Variants in PDZRN4 observed in about 807,000 individuals in gnomAD.
PDZRN4 encodes the protein PDZ domain-containing RING finger protein 4.
Under a neutral mutation model 99.0 loss-of-function variants are expected in PDZRN4, and 70 were observed. That is an observed-to-expected ratio of 0.71 (90% confidence interval 0.58 to 0.86). PDZRN4 has a LOEUF of 0.86. Ranked by LOEUF, PDZRN4 falls within the 40% of genes least tolerant of loss-of-function variation. The pLI, the probability that PDZRN4 is intolerant of heterozygous loss-of-function variation, is 0.00. For missense variants in PDZRN4, 1,474 were observed against 1,331.2 expected, an observed-to-expected ratio of 1.11 and a Z score of -1.67; for synonymous variants, 551 against 501.6, an observed-to-expected ratio of 1.10 and a Z score of -1.32.
At chr12:41,282,794 G>T (rs912742625) in intron 3 of PDZRN4, among the ~76,000 whole-genome samples, 1 of 152,084 alleles carries the variant, frequency 6.6e-6, no homozygotes, top group African/African-American at 2.4e-5. Context: ...ATGAAATGAA[G>T]GTGGGAAATA....
intron 3 of PDZRN4, among the ~76,000 whole-genome samples, chr12:41,312,431 A>C (rs1951613301): frequency 6.6e-6 from 1 of 152,086 alleles, no homozygotes; most frequent in Non-Finnish European, 1.5e-5. Flanking sequence ...CTATCTGTAC[A>C]TACTCTGCTC....
chr12:41,316,007 A>G (rs185768287), intron 3 of PDZRN4, among the ~76,000 whole-genome samples: 4 of 152,268 alleles, frequency 2.6e-5, no homozygotes, highest in Non-Finnish European at 5.9e-5. Flanking sequence ...GAAGTGAGGT[A>G]GGGTGAAGTG....
intron 3 of PDZRN4, among the ~76,000 whole-genome samples, chr12:41,309,135 CA>C (rs1450092329): frequency 6.6e-6 from 1 of 152,126 alleles, no homozygotes; most frequent in Non-Finnish European, 1.5e-5. Context: ...CATATACTTT[CA>C]GTAGGGAAGG....
At chr12:41,262,669 C>G (rs773228741) in intron 3 of PDZRN4, among the ~76,000 whole-genome samples, 1 of 151,962 alleles carries the variant, frequency 6.6e-6, no homozygotes, top group Non-Finnish European at 1.5e-5. Flanking sequence ...TAATAAACAC[C>G]ATTAAGTAAA....
chr12:41,462,760 A>C (rs1952884251), intron 3 of PDZRN4, among the ~76,000 whole-genome samples: 3 of 150,236 alleles, frequency 2.0e-5, no homozygotes, highest in Admixed American at 6.7e-5. Context: ...TGATGAACAC[A>C]ATTATGTATC....
At chr12:41,267,008 A>T (rs1416522646) in intron 3 of PDZRN4, among the ~76,000 whole-genome samples, 2 of 152,148 alleles carry the variant, frequency 1.3e-5, no homozygotes, top group Non-Finnish European at 2.9e-5. Flanking sequence ...CCACCATCTC[A>T]GTGCATCAAA....
chr12:41,342,147 T>C (rs925086572), intron 3 of PDZRN4, among the ~76,000 whole-genome samples: 3 of 151,820 alleles, frequency 2.0e-5, no homozygotes, highest in Admixed American at 6.6e-5. Context: ...GATATTCACA[T>C]CCAGAAGAAT....
At chr12:41,225,000 A>G (rs1404585323) in intron 3 of PDZRN4, among the ~76,000 whole-genome samples, 1 of 152,198 alleles carries the variant, frequency 6.6e-6, no homozygotes, top group Admixed American at 6.6e-5. Context: ...AAATAAAAAT[A>G]GAATACTTAA....
At chr12:41,530,302 A>G (rs941794865) in intron 5 of PDZRN4, among the ~76,000 whole-genome samples, 2 of 152,230 alleles carry the variant, frequency 1.3e-5, no homozygotes, top group Non-Finnish European at 2.9e-5. Flanking sequence ...TAATTGTGCC[A>G]CATAAGTTTG....
rs1952062890 is a variant in PDZRN4 at position 41,374,122 on chromosome 12, T to C, written c.844-132334T>C. On this transcript the variant is annotated intron_variant, in intron 3 of 9. Coordinates refer to ENST00000402685, the MANE Select transcript of PDZRN4 (RefSeq NM_001164595.2). ...CTTTGGCTACCTCCTTGAGGACAGGTCTTTGCAGTGTTTTAGGAAGAGTGA... is the reference window on the plus strand; with the variant it reads ...CTTTGGCTACCTCCTTGAGGACAGGCCTTTGCAGTGTTTTAGGAAGAGTGA... 2.0e-5 allele frequency among the ~76,000 whole-genome samples: 3 copies of C among 151,226 alleles called. No homozygotes were observed. In the South Asian group the frequency reaches 6.3e-4, roughly 32 times the overall value.
At chr12:41,558,777 G>A (rs1939213716) in intron 7 of PDZRN4, among the ~76,000 whole-genome samples, 1 of 152,066 alleles carries the variant, frequency 6.6e-6, no homozygotes, top group African/African-American at 2.4e-5. Flanking sequence ...AAAAAAACCT[G>A]GAATACAATT....
At chr12:41,190,279 C>A (rs1173749286) in intron 1 of PDZRN4, among the ~76,000 whole-genome samples, 1 of 152,186 alleles carries the variant, frequency 6.6e-6, no homozygotes, top group African/African-American at 2.4e-5. Flanking sequence ...TGAATGGAAG[C>A]ACGTTGTGTA....
At position 41,373,650 on chromosome 12, in the gene PDZRN4, A is replaced by G. The variant is rs536783429; in HGVS notation, c.844-132806A>G. Among the ~76,000 whole-genome samples, 11 of 152,240 alleles carry G rather than the reference A, an allele frequency of 7.2e-5. No individual in the cohort carries two copies. In the East Asian group the frequency reaches 1.9e-3, roughly 27 times the overall value. On this transcript the variant is annotated intron_variant, in intron 3 of 9. Transcript: ENST00000402685. The stretch of plus-strand genomic sequence containing the variant: ...CAGATTTCATATTGTTCAAACACAC[A>G]TGCTCTACAAACAATTTGTGCAGTT...
At chr12:41,279,497 A>G (rs529057860) in intron 3 of PDZRN4, among the ~76,000 whole-genome samples, 2 of 152,224 alleles carry the variant, frequency 1.3e-5, no homozygotes, top group Non-Finnish European at 2.9e-5. Context: ...AGTTTCCAAC[A>G]ATAAGTAGGA....
At chr12:41,515,350 C>T (rs921307631) in intron 5 of PDZRN4, among the ~76,000 whole-genome samples, 6 of 151,832 alleles carry the variant, frequency 4.0e-5, no homozygotes, top group Admixed American at 6.6e-5. Context: ...CCTTTTCTTC[C>T]GCTTGTTAGT....
chr12:41,216,722 A>G (rs908440320), intron 3 of PDZRN4, among the ~76,000 whole-genome samples: 1 of 152,014 alleles, frequency 6.6e-6, no homozygotes, highest in African/African-American at 2.4e-5. Flanking sequence ...CATCTAATTA[A>G]TTTATTTGAT....
chr12:41,261,707 T>C (rs113364099), intron 3 of PDZRN4, among the ~76,000 whole-genome samples: 582 of 152,288 alleles, frequency 3.8e-3, no homozygotes, highest in Middle Eastern at 0.01. Context: ...GCCAGGATGG[T>C]CTCGATCTCC....
intron 3 of PDZRN4, among the ~76,000 whole-genome samples, chr12:41,393,401 A>G (rs980330800): frequency 6.6e-6 from 1 of 152,278 alleles, no homozygotes. Flanking sequence ...GTACATATTT[A>G]AAAAACTGAA....
At chr12:41,265,083 C>T (rs899846229) in intron 3 of PDZRN4, among the ~76,000 whole-genome samples, 3 of 151,104 alleles carry the variant, frequency 2.0e-5, no homozygotes, top group Non-Finnish European at 2.9e-5. Flanking sequence ...ACATGTACCC[C>T]CCAAATCTAG....
Sources: gnomAD v4.1 joint callset for allele counts (sites outside exome capture counted in the v4.1 genomes callset) on GRCh38, gnomAD v4.1.1 for gene constraint, MANE v1.5 for transcripts, NCBI Gene and HGNC (gene_info 2026-07-23, HGNC 2026-07-21) for gene names.